The following MYLK variants were observed in gnomAD, a reference collection of about 807,000 sequenced individuals.
MYLK encodes the protein myosin light chain kinase, smooth muscle.
A neutral mutation model predicts 203.4 loss-of-function variants in MYLK; 106 were observed. The observed-to-expected ratio is 0.52, with a 90% CI of 0.45 to 0.61. The LOEUF (loss-of-function observed/expected upper bound fraction) is 0.61, where lower values mean the gene tolerates loss of function less well. MYLK is among the 20% of genes least tolerant of loss of function. The pLI is 0.00. For synonymous variants in MYLK, 867 were observed against 959.5 expected (o/e 0.90, Z 1.78); for missense variants, 2,072 against 2,442.3 (o/e 0.85, Z 3.20).
intron 23 of MYLK, among the ~76,000 whole-genome samples, chr3:123,657,673 C>T (rs982342651): frequency 1.2e-4 from 19 of 152,122 alleles, no homozygotes; most frequent in Admixed American, 9.8e-4. Flanking sequence ...TGCTAGTTTT[C>T]CAGTCTACAT....
intron 3 of MYLK, 132 bp downstream of exon 3, chr3:123,831,416 G>T: frequency 7.8e-7 from 1 of 1,289,556 alleles, no homozygotes; most frequent in Middle Eastern, 2.1e-4. Context: ...AGCTGGCCAG[G>T]TGCCATCTCA....
intron 27 of MYLK, among the ~76,000 whole-genome samples, chr3:123,646,344 T>C (rs996136189): frequency 6.6e-6 from 1 of 152,198 alleles, no homozygotes; most frequent in Non-Finnish European, 1.5e-5. Context: ...TAGGAAAGGA[T>C]AGACAGGAAT....
chr3:123,704,626 G>A (rs376729654), intron 16 of MYLK, among the ~76,000 whole-genome samples: 19 of 151,998 alleles, frequency 1.3e-4, no homozygotes, highest in African/African-American at 3.9e-4. Context: ...AATTTCGGCC[G>A]GGCATGGTGG....
chr3:123,874,419 C>T (rs1199677506), intron 2 of MYLK, among the ~76,000 whole-genome samples: 2 of 152,104 alleles, frequency 1.3e-5, no homozygotes, highest in South Asian at 2.1e-4. Flanking sequence ...GTGGTGCTAG[C>T]ACTATTGGAC....
intron 13 of MYLK, among the ~76,000 whole-genome samples, chr3:123,710,238 C>T (rs1168453589): frequency 1.3e-5 from 2 of 151,982 alleles, no homozygotes; most frequent in Non-Finnish European, 2.9e-5. Context: ...AGTCTCCCTC[C>T]CACCCCATCC....
chr3:123,640,486 C>T lies in MYLK; in HGVS notation c.4638G>A (p.Leu1546=), dbSNP rs774612618. 6.2e-7 allele frequency: 1 copy of T among 1,614,098 alleles called. No individual in the cohort carries two copies. The highest frequency in any genetic ancestry group is 1.7e-5 in the Admixed American group (1 of 60,022). ...MVLEIVSGGE[L]FERIIDEDFE... ...AGTCCTCGTCAATGATGCGCTCAAA[C>T]AGCTCCCCTCCTGACACGCTGCGGG... Residue 1546 remains leucine (L), a synonymous_variant, in exon 28 of 34, where the codon CTG becomes CTA. Coordinates refer to ENST00000360304, the MANE Select transcript of MYLK (RefSeq NM_053025.4). This position sits in a 1 kb window ranked among gnomAD's most constrained non-coding sequence, Gnocchi z 4.3.
In MYLK at chr3:123,752,392, A is replaced by G. The variant is rs147597398; in HGVS notation, c.312T>C (p.Tyr104=). The change falls in exon 5 of 34, where the codon TAT becomes TAC. Residue 104 remains tyrosine (Y), a synonymous_variant. Coordinates refer to ENST00000360304, the MANE Select transcript of MYLK (RefSeq NM_053025.4). ...CACTGCCATTGGTGGCTTCACAGGTATACTTTCCCCTGTCCTCCTCATGGA... is the reference window on the plus strand; with the variant it reads ...CACTGCCATTGGTGGCTTCACAGGTGTACTTTCCCCTGTCCTCCTCATGGA... ...HAVHEEDRGK[Y]TCEATNGSGA... 34 of 1,614,196 alleles carry G rather than the reference A, an allele frequency of 2.1e-5. No homozygotes were observed. In the African/African-American group the frequency reaches 3.6e-4, roughly 17 times the overall value.
intron 11 of MYLK, 69 bp from the exon 12 acceptor site, chr3:123,726,147 C>T (rs2062275027): frequency 2.6e-5 from 42 of 1,598,532 alleles, no homozygotes; most frequent in Non-Finnish European, 3.6e-5. Flanking sequence ...GCAGTCACCC[C>T]AGCCTCCCAG....
In MYLK at chr3:123,738,881, C is replaced by T. The variant is rs2062767668; in HGVS notation, c.588+16G>A. 3 of 1,599,192 alleles carry T rather than the reference C, an allele frequency of 1.9e-6. No individual in the cohort carries two copies. The highest frequency in any genetic ancestry group is 4.5e-5 in the East Asian group (2 of 44,616). Reference sequence around the variant, plus strand: ...AATACAGGCTGGATCAGGGTCAGGGCAGACAGAAACCTCACCTTGAGCCAG... The same window carrying T: ...AATACAGGCTGGATCAGGGTCAGGGTAGACAGAAACCTCACCTTGAGCCAG... On this transcript the variant is annotated intron_variant, in intron 7 of 33. Transcript: ENST00000360304.
At chr3:123,871,527 A>T (rs2032782611) in intron 2 of MYLK, among the ~76,000 whole-genome samples, 1 of 152,228 alleles carries the variant, frequency 6.6e-6, no homozygotes, top group Non-Finnish European at 1.5e-5. Flanking sequence ...AAGGATAATA[A>T]GTTAATATTA....
intron 21 of MYLK, 103 bp downstream of exon 21, chr3:123,667,034 T>C: frequency 9.5e-7 from 1 of 1,055,560 alleles, no homozygotes; most frequent in Non-Finnish European, 1.5e-6. Context: ...TGCAGTGGGG[T>C]GTCTCCTGGG....
chr3:123,679,216 A>T (rs1203864374), intron 20 of MYLK, among the ~76,000 whole-genome samples: 1 of 151,428 alleles, frequency 6.6e-6, no homozygotes, highest in Non-Finnish European at 1.5e-5. Context: ...CTGAGGCAGG[A>T]GAATCGCTTG....
rs181714070 is a variant in MYLK, at chr3:123,824,574, T to C, written c.-4+6974A>G. On this transcript the variant is annotated intron_variant, in intron 3 of 33. Transcript: ENST00000360304. ...CATTGATGGGAGTTACATTCTTTTC[T>C]GGGGAAGGGGACTGAATTTTTCATA... is the stretch of plus-strand genomic sequence containing the variant. Among the ~76,000 whole-genome samples the C allele has an allele frequency of 6.6e-5, 10 of 152,280 alleles. No individual in the cohort carries two copies. The East Asian group carries it at 1.7e-3, about 26-fold the overall frequency.
intron 2 of MYLK, among the ~76,000 whole-genome samples, chr3:123,869,692 GA>G (rs1156700150): frequency 2.0e-5 from 3 of 152,178 alleles, no homozygotes; most frequent in African/African-American, 7.2e-5. Context: ...GAGAGAAAGT[GA>G]GGGACTTAAC....
At chr3:123,622,617 A>C (rs1265547939) in intron 31 of MYLK, 4 of 152,266 alleles carry the variant, frequency 2.6e-5, no homozygotes, top group African/African-American at 9.6e-5. Flanking sequence ...TTTCAGAGGA[A>C]GTAGTAAATA....
intron 2 of MYLK, among the ~76,000 whole-genome samples, chr3:123,875,264 C>A (rs984054461): frequency 1.3e-5 from 2 of 152,126 alleles, no homozygotes; most frequent in East Asian, 1.9e-4. Context: ...TACGTCTTTA[C>A]AATGAAATAA....
chr3:123,647,678 C>T (rs575347741), intron 26 of MYLK, among the ~76,000 whole-genome samples: 96 of 152,136 alleles, frequency 6.3e-4, no homozygotes, highest in Non-Finnish European at 2.6e-4. Context: ...CAGACTCCTG[C>T]TCTAGAGCAA....
chr3:123,871,121 A>G (rs1560306285), intron 2 of MYLK, among the ~76,000 whole-genome samples: 1 of 152,170 alleles, frequency 6.6e-6, no homozygotes, highest in African/African-American at 2.4e-5. Flanking sequence ...TAAGGCTTTT[A>G]CTAAAGCTCT....
At chr3:123,853,360 T>C (rs1018724081) in intron 2 of MYLK, among the ~76,000 whole-genome samples, 4 of 152,054 alleles carry the variant, frequency 2.6e-5, no homozygotes, top group Non-Finnish European at 5.9e-5. Context: ...AAGGAAAGGC[T>C]TTTTAAGGGG....
Sources: gnomAD v4.1 joint callset for allele counts (sites outside exome capture counted in the v4.1 genomes callset) on GRCh38, gnomAD v4.1.1 for gene constraint, Gnocchi (gnomAD v3.1) non-coding constraint, MANE v1.5 for transcripts, NCBI Gene and HGNC (gene_info 2026-07-23, HGNC 2026-07-21) for gene names.